KCNK1: variants seen among roughly 807,000 people sequenced by gnomAD.
KCNK1 encodes the protein potassium channel subfamily K member 1.
A neutral mutation model predicts 22.2 loss-of-function variants in KCNK1; 10 were observed. The observed-to-expected ratio is 0.45, with a 90% CI of 0.28 to 0.76. The LOEUF is 0.76. Among genes scored for constraint, KCNK1 ranks in the 30% least tolerant of loss-of-function variants. The probability of loss-of-function intolerance (pLI) is 0.14; values close to 1 mark genes in which losing one functional copy is unlikely to be tolerated. For missense variants in KCNK1, 378 were observed against 421.0 expected, an observed-to-expected ratio of 0.90 and a Z score of 0.89; for synonymous variants, 200 against 186.4, an observed-to-expected ratio of 1.07 and a Z score of -0.60.
intron 1 of KCNK1, chr1:233,631,339 G>A: frequency 1.9e-6 from 1 of 524,568 alleles, no homozygotes; most frequent in Admixed American, 2.0e-5. Flanking sequence ...GGAAGAATGG[G>A]AATCACTGCC....
chr1:233,636,334 C>A (rs1657895717), intron 1 of KCNK1, among the ~76,000 whole-genome samples: 1 of 152,172 alleles, frequency 6.6e-6, no homozygotes, highest in Non-Finnish European at 1.5e-5. Context: ...GAAGCTATTA[C>A]TGTAATCCTC....
intron 1 of KCNK1, among the ~76,000 whole-genome samples, chr1:233,621,600 A>G (rs1413730597): frequency 1.3e-5 from 2 of 152,234 alleles, no homozygotes; most frequent in African/African-American, 4.8e-5. Flanking sequence ...GAAGGCAGGG[A>G]AGTGTATAAT....
intron 1 of KCNK1, among the ~76,000 whole-genome samples, chr1:233,632,754 C>A (rs1657829351): frequency 6.6e-6 from 1 of 152,126 alleles, no homozygotes; most frequent in African/African-American, 2.4e-5. Flanking sequence ...TGGGTTTGGG[C>A]CTCTTTTCAG....
chr1:233,646,310 A>T (rs1222517017), intron 1 of KCNK1, among the ~76,000 whole-genome samples: 2 of 152,170 alleles, frequency 1.3e-5, no homozygotes, highest in African/African-American at 4.8e-5. Flanking sequence ...TCCTGGGCTG[A>T]TTAAGATGAA....
chr1:233,640,658 G>A (rs933879487), intron 1 of KCNK1, among the ~76,000 whole-genome samples: 1 of 152,052 alleles, frequency 6.6e-6, no homozygotes, highest in Non-Finnish European at 1.5e-5. Flanking sequence ...CTGGGATAAC[G>A]TAGAGAATGA....
At chr1:233,638,949 C>T (rs1657958901) in intron 1 of KCNK1, among the ~76,000 whole-genome samples, 1 of 152,142 alleles carries the variant, frequency 6.6e-6, no homozygotes, top group South Asian at 2.1e-4. Flanking sequence ...AAAAAAATAA[C>T]ACTCACTGTT....
intron 1 of KCNK1, among the ~76,000 whole-genome samples, chr1:233,650,718 A>G (rs1571900024): frequency 6.6e-6 from 1 of 152,126 alleles, no homozygotes; most frequent in African/African-American, 2.4e-5. Context: ...GACATAGCTA[A>G]TAAGAAGCAG....
chr1:233,646,274 A>G (rs1228657794), intron 1 of KCNK1, among the ~76,000 whole-genome samples: 1 of 152,172 alleles, frequency 6.6e-6, no homozygotes, highest in African/African-American at 2.4e-5. Flanking sequence ...GAGCTTTCCA[A>G]AAAAGATACC....
chr1:233,634,796 A>ATCATCTGTTGGGAGCAGACAGAAGCCTG (rs1168581089), intron 1 of KCNK1, among the ~76,000 whole-genome samples: 4 of 152,230 alleles, frequency 2.6e-5, no homozygotes, highest in Admixed American at 2.0e-4. Context: ...GAAAAGCAAG[A>ATCATCTGTTGGGAGCAGACAGAAGCCTG]TCATCTGTTG....
chr1:233,634,277 GC>G (rs1657857933), intron 1 of KCNK1, among the ~76,000 whole-genome samples: 1 of 148,980 alleles, frequency 6.7e-6, no homozygotes. Context: ...CTGCACTCCA[GC>G]CTGGGTAACA....
intron 1 of KCNK1, among the ~76,000 whole-genome samples, chr1:233,618,628 G>GT (rs1657526464): frequency 6.6e-6 from 1 of 152,196 alleles, no homozygotes; most frequent in South Asian, 2.1e-4. Flanking sequence ...GCTCACGCCT[G>GT]TAATCCCAGC....
chr1:233,640,228 G>A (rs1657978307), intron 1 of KCNK1, among the ~76,000 whole-genome samples: 1 of 152,096 alleles, frequency 6.6e-6, no homozygotes. Context: ...ACCATAGATA[G>A]TTTCTAAAAG....
chr1:233,616,235 A>G (rs926992399), intron 1 of KCNK1, among the ~76,000 whole-genome samples: 5 of 152,212 alleles, frequency 3.3e-5, no homozygotes, highest in Non-Finnish European at 5.9e-5. Context: ...AAGGATGCTT[A>G]TAGCGTGTGG....
At chr1:233,636,320 C>T (rs560433625) in intron 1 of KCNK1, among the ~76,000 whole-genome samples, 30 of 152,222 alleles carry the variant, frequency 2.0e-4, no homozygotes, top group African/African-American at 6.5e-4. Flanking sequence ...GGGAGACCAG[C>T]TGGGAAGCTA....
chr1:233,616,002 ATGCCTGTTCCCT>A (rs923962122), intron 1 of KCNK1, among the ~76,000 whole-genome samples: 5 of 152,226 alleles, frequency 3.3e-5, no homozygotes, highest in African/African-American at 9.6e-5. Context: ...TTTCCAAAGA[ATGCCTGTTCCCT>A]TGCCAATACA....
chr1:233,657,083 G>A (rs946768422), intron 1 of KCNK1, among the ~76,000 whole-genome samples: 7 of 152,126 alleles, frequency 4.6e-5, no homozygotes, highest in Admixed American at 3.3e-4. Context: ...AATCTTGCCC[G>A]AGAGATGGCC....
rs138867038 is a variant in KCNK1, at chr1:233,658,042, G to A, written c.356-8553G>A. ...TCATTTGTGAGAGTATGCAGAGGGT[G>A]GTGTGAAAAGACATGGCAGGGATTC... On this transcript the variant is annotated intron_variant, in intron 1 of 2. Coordinates refer to ENST00000366621, the MANE Select transcript of KCNK1 (RefSeq NM_002245.4). Among the ~76,000 whole-genome samples the A allele has an allele frequency of 6.7e-3, 1,017 of 152,182 alleles. 15 individuals carry two copies. The highest frequency in any genetic ancestry group is 0.023 in the African/African-American group (943 of 41,522).
chr1:233,632,232 T>G (rs1201870305), intron 1 of KCNK1, among the ~76,000 whole-genome samples: 2 of 152,222 alleles, frequency 1.3e-5, no homozygotes, highest in African/African-American at 2.4e-5. Context: ...TAATGATTTC[T>G]TTGATGACAG....
At chr1:233,667,110 C>A (rs41272729) in intron 2 of KCNK1, 120 bp downstream of exon 2, 21 of 752,962 alleles carry the variant, frequency 2.8e-5, no homozygotes, top group Non-Finnish European at 3.7e-5. Flanking sequence ...GTGGTGCGAT[C>A]TTGGCTCACT....
Sources: allele counts gnomAD v4.1 joint callset (sites outside exome capture counted in the v4.1 genomes callset), GRCh38; gene constraint gnomAD v4.1.1; transcripts MANE v1.5; gene names NCBI Gene and HGNC (gene_info 2026-07-23, HGNC 2026-07-21).